Variants in PTPRD observed in about 807,000 individuals in gnomAD.
PTPRD encodes receptor-type tyrosine-protein phosphatase delta.
A neutral mutation model predicts 214.5 loss-of-function variants in PTPRD; 34 were observed. The observed-to-expected ratio is 0.16, with a 90% CI of 0.12 to 0.21. The LOEUF (loss-of-function observed/expected upper bound fraction) is 0.21. Ranked by LOEUF, PTPRD falls within the 10% of genes least tolerant of loss-of-function variation. The pLI is 1.00. For synonymous variants in PTPRD, 1,128 were observed against 845.7 expected, an observed-to-expected ratio of 1.33 and a Z score of -5.79; for missense variants, 2,545 against 2,398.7, an observed-to-expected ratio of 1.06 and a Z score of -1.27.
intron 9 of PTPRD, among the ~76,000 whole-genome samples, chr9:9,347,912 G>A (rs1224908103): frequency 1.3e-5 from 2 of 152,106 alleles, no homozygotes; most frequent in Non-Finnish European, 2.9e-5. Context: ...CTATGTCATT[G>A]CTTATGTCCT....
At chr9:9,487,166 T>C (rs983318115) in intron 8 of PTPRD, among the ~76,000 whole-genome samples, 4 of 152,030 alleles carry the variant, frequency 2.6e-5, no homozygotes, top group East Asian at 1.9e-4. Flanking sequence ...CCCATTAACT[T>C]GTCATTTAGC....
intron 39 of PTPRD, among the ~76,000 whole-genome samples, chr9:8,352,738 T>A (rs182469141): frequency 6.6e-6 from 1 of 152,326 alleles, no homozygotes; most frequent in African/African-American, 2.4e-5. Context: ...GATTAGTTTG[T>A]AAGGCATATC....
chr9:10,112,027 T>C (rs1458292397), intron 3 of PTPRD, among the ~76,000 whole-genome samples: 2 of 152,230 alleles, frequency 1.3e-5, no homozygotes, highest in African/African-American at 2.4e-5. Context: ...TTGACTATGG[T>C]GGTTTAAATC....
At chr9:9,378,682 T>C (rs2061417729) in intron 9 of PTPRD, among the ~76,000 whole-genome samples, 1 of 152,114 alleles carries the variant, frequency 6.6e-6, no homozygotes, top group Admixed American at 6.6e-5. Context: ...CATTTGGTTT[T>C]GTCAGTGTTC....
At chr9:10,216,078 C>T (rs563254556) in intron 3 of PTPRD, among the ~76,000 whole-genome samples, 3 of 151,808 alleles carry the variant, frequency 2.0e-5, no homozygotes, top group Admixed American at 2.0e-4. Flanking sequence ...TATTGATTTT[C>T]CCTTTAGATT....
intron 4 of PTPRD, among the ~76,000 whole-genome samples, chr9:10,029,434 C>T (rs899572024): frequency 6.6e-6 from 1 of 152,200 alleles, no homozygotes; most frequent in East Asian, 1.9e-4. Flanking sequence ...GTGAAAGCAG[C>T]TGGGAGGGAG....
intron 7 of PTPRD, among the ~76,000 whole-genome samples, chr9:9,577,963 T>C (rs2089488553): frequency 6.9e-6 from 1 of 145,566 alleles, no homozygotes; most frequent in African/African-American, 2.6e-5. Context: ...AGAGAATAGC[T>C]TGAACCCAGG....
At chr9:9,822,626 T>A (rs2051189432) in intron 5 of PTPRD, among the ~76,000 whole-genome samples, 1 of 151,624 alleles carries the variant, frequency 6.6e-6, no homozygotes, top group Non-Finnish European at 1.5e-5. Context: ...TTTTTAAAGA[T>A]ATTCTGGCTT....
chr9:9,475,758 C>T (rs2094980604), intron 8 of PTPRD, among the ~76,000 whole-genome samples: 1 of 152,158 alleles, frequency 6.6e-6, no homozygotes, highest in South Asian at 2.1e-4. Context: ...CCCATTCTAA[C>T]ATTCCACAGA....
intron 5 of PTPRD, among the ~76,000 whole-genome samples, chr9:9,896,110 T>A (rs1312393183): frequency 6.6e-6 from 1 of 151,972 alleles, no homozygotes; most frequent in Non-Finnish European, 1.5e-5. Flanking sequence ...TTTGGGAGCT[T>A]AGTTTACAAA....
At chr9:9,312,518 C>T (rs531344998) in intron 9 of PTPRD, among the ~76,000 whole-genome samples, 3 of 152,058 alleles carry the variant, frequency 2.0e-5, no homozygotes, top group Non-Finnish European at 4.4e-5. Flanking sequence ...CCCATGTCTG[C>T]GTGGGTTTTC....
intron 7 of PTPRD, among the ~76,000 whole-genome samples, chr9:9,696,962 T>A (rs988199976): frequency 2.0e-5 from 3 of 152,128 alleles, no homozygotes; most frequent in African/African-American, 7.2e-5. Flanking sequence ...ATTCATTACA[T>A]GTGTTTCTTC....
At chr9:8,321,526 T>TATAAAA (rs1327118226) in intron 44 of PTPRD, among the ~76,000 whole-genome samples, 17 of 115,760 alleles carry the variant, frequency 1.5e-4, no homozygotes, top group African/African-American at 5.2e-4. Context: ...TATATATATA[T>TATAAAA]AAAAGGTATA....
At chr9:9,589,646 T>C (rs2092502634) in intron 7 of PTPRD, among the ~76,000 whole-genome samples, 3 of 152,080 alleles carry the variant, frequency 2.0e-5, no homozygotes, top group African/African-American at 7.2e-5. Context: ...ATAGGATTTA[T>C]GTGTTACTGG....
At chr9:10,125,622 T>TTA (rs1554687153) in intron 3 of PTPRD, among the ~76,000 whole-genome samples, 2 of 139,296 alleles carry the variant, frequency 1.4e-5, no homozygotes, top group Non-Finnish European at 3.1e-5. Flanking sequence ...GCTCGGCTAA[T>TTA]TGTGTGTGTG....
intron 6 of PTPRD, among the ~76,000 whole-genome samples, chr9:9,766,182 T>C (rs1387928200): frequency 6.6e-6 from 1 of 152,230 alleles, no homozygotes; most frequent in East Asian, 1.9e-4. Context: ...AACTCTCTTT[T>C]ATAACTCAGT....
intron 11 of PTPRD, among the ~76,000 whole-genome samples, chr9:8,953,092 T>C (rs967041081): frequency 2.6e-5 from 4 of 151,630 alleles, no homozygotes; most frequent in South Asian, 2.1e-4. Context: ...AGATAAAATA[T>C]ATGCTTTTGG....
At position 8,436,584 on chromosome 9, in the gene PTPRD, T is replaced by C. The variant is rs762952121; in HGVS notation, c.4086+8A>G. 3.1e-6 allele frequency: 5 copies of C among 1,595,528 alleles called. No homozygotes were observed. In the South Asian group the frequency reaches 5.5e-5, roughly 18 times the overall value. On this transcript the variant is annotated splice_region_variant and intron_variant, in intron 35 of 45. Coordinates refer to ENST00000381196, the MANE Select transcript of PTPRD (RefSeq NM_002839.4). ...AAATTACTGTAAAGAATAAACACAG[T>C]GAATTACCTCATATTCCTGGGAAAA...
chr9:9,927,058 T>G (rs550339346), intron 5 of PTPRD, among the ~76,000 whole-genome samples: 1 of 152,336 alleles, frequency 6.6e-6, no homozygotes, highest in African/African-American at 2.4e-5. Context: ...AGATTAATTT[T>G]GCTTATTAGT....
Sources: gnomAD v4.1 joint callset for allele counts (sites outside exome capture counted in the v4.1 genomes callset) on GRCh38, gnomAD v4.1.1 for gene constraint, MANE v1.5 for transcripts, NCBI Gene and HGNC (gene_info 2026-07-23, HGNC 2026-07-21) for gene names.